NXPH1: variants seen among roughly 807,000 people sequenced by gnomAD.
NXPH1 encodes neurexophilin 1, also known as neurexophilin-1.
NXPH1 carries 5 observed loss-of-function variants against 23.7 expected under a neutral mutation model. That is an observed-to-expected ratio of 0.21 (90% CI 0.11 to 0.44). The LOEUF (loss-of-function observed/expected upper bound fraction) is 0.44, where lower values mean the gene tolerates loss of function less well. Ranked by LOEUF, NXPH1 falls within the 20% of genes least tolerant of loss-of-function variation. The pLI is 0.99. For synonymous variants in NXPH1, 144 were observed against 122.2 expected (o/e 1.18, Z -1.18); for missense variants, 324 against 321.6 (o/e 1.01, Z -0.06).
intron 2 of NXPH1, among the ~76,000 whole-genome samples, chr7:8,533,607 G>A (rs894766900): frequency 3.3e-5 from 5 of 152,224 alleles, no homozygotes; most frequent in South Asian, 4.2e-4. Context: ...TAGGCAACTC[G>A]CCTATCTCTT....
At chr7:8,600,514 A>G (rs1013612327) in intron 2 of NXPH1, among the ~76,000 whole-genome samples, 11 of 152,168 alleles carry the variant, frequency 7.2e-5, no homozygotes, top group African/African-American at 2.7e-4. Flanking sequence ...CACTGTGGTC[A>G]GATCTGGTTT....
chr7:8,452,685 C>G (rs1196101768), intron 2 of NXPH1, among the ~76,000 whole-genome samples: 1 of 152,048 alleles, frequency 6.6e-6, no homozygotes, highest in Non-Finnish European at 1.5e-5. Flanking sequence ...TGCTTCTATT[C>G]AAATGTTTGA....
At chr7:8,472,436 C>T (rs1277137748) in intron 2 of NXPH1, among the ~76,000 whole-genome samples, 1 of 152,166 alleles carries the variant, frequency 6.6e-6, no homozygotes, top group Non-Finnish European at 1.5e-5. Flanking sequence ...AAATGAGAGA[C>T]TGAGCCAACG....
intron 2 of NXPH1, among the ~76,000 whole-genome samples, chr7:8,624,902 T>TCTTA (rs1387969769): frequency 2.6e-5 from 4 of 152,108 alleles, no homozygotes; most frequent in African/African-American, 9.7e-5. Flanking sequence ...AAGTCATGAC[T>TCTTA]CTTAACTCTA....
intron 2 of NXPH1, among the ~76,000 whole-genome samples, chr7:8,606,851 G>C (rs1819503751): frequency 6.6e-6 from 1 of 152,136 alleles, no homozygotes; most frequent in Non-Finnish European, 1.5e-5. Flanking sequence ...TTGGTAGGAA[G>C]CTGGGATTAG....
intron 2 of NXPH1, among the ~76,000 whole-genome samples, chr7:8,704,750 TA>T (rs35297418): frequency 4.9e-4 from 71 of 145,856 alleles, no homozygotes; most frequent in Non-Finnish European, 5.8e-4. Context: ...ACTTAATCTG[TA>T]AAAAAAAAAA....
chr7:8,461,888 A>G (rs892426409), intron 2 of NXPH1, among the ~76,000 whole-genome samples: 8 of 151,686 alleles, frequency 5.3e-5, no homozygotes, highest in Non-Finnish European at 1.2e-4. Flanking sequence ...ACACCTACAT[A>G]TACTCAAACA....
chr7:8,667,103 T>C (rs568294669), intron 2 of NXPH1, among the ~76,000 whole-genome samples: 2 of 152,234 alleles, frequency 1.3e-5, no homozygotes, highest in South Asian at 4.1e-4. Context: ...TATTCTAACA[T>C]TTTGTTTTTA....
intron 2 of NXPH1, among the ~76,000 whole-genome samples, chr7:8,642,964 A>G (rs1820342154): frequency 1.3e-5 from 2 of 152,018 alleles, no homozygotes; most frequent in South Asian, 4.2e-4. Context: ...TCCTGGGTTC[A>G]AGCGATTCTC....
At chr7:8,575,342 G>T (rs983434441) in intron 2 of NXPH1, among the ~76,000 whole-genome samples, 1 of 152,100 alleles carries the variant, frequency 6.6e-6, no homozygotes, top group East Asian at 1.9e-4. Flanking sequence ...AAGCTGACAG[G>T]TCATTAATCC....
At chr7:8,536,675 T>C (rs7809396) in intron 2 of NXPH1, among the ~76,000 whole-genome samples, 34,615 of 151,656 alleles carry the variant, frequency 0.23, 4,057 homozygotes, top group East Asian at 0.29. Context: ...AGGTAGAAAA[T>C]GTATTGTAAG....
chr7:8,638,379 T>C (rs569782110), intron 2 of NXPH1, among the ~76,000 whole-genome samples: 1 of 152,274 alleles, frequency 6.6e-6, no homozygotes, highest in African/African-American at 2.4e-5. Context: ...CTGGGGAGAA[T>C]TAGAATCCTC....
intron 2 of NXPH1, among the ~76,000 whole-genome samples, chr7:8,599,934 A>C (rs975796381): frequency 6.6e-6 from 1 of 151,854 alleles, no homozygotes; most frequent in African/African-American, 2.4e-5. Context: ...ATGCTAAAAT[A>C]GGTTAATTTT....
chr7:8,654,651 C>T (rs4725105), intron 2 of NXPH1, among the ~76,000 whole-genome samples: 109,605 of 152,034 alleles, frequency 0.72, 40,060 homozygotes, highest in East Asian at 1. Context: ...ATGATAGTGG[C>T]CTTATCTCCT....
At chr7:8,474,653 A>G (rs1816937821) in intron 2 of NXPH1, among the ~76,000 whole-genome samples, 1 of 152,174 alleles carries the variant, frequency 6.6e-6, no homozygotes, top group African/African-American at 2.4e-5. Context: ...TATATCATAT[A>G]TCTGACAAAA....
intron 2 of NXPH1, among the ~76,000 whole-genome samples, chr7:8,726,949 C>T (rs1043566103): frequency 3.3e-5 from 5 of 149,720 alleles, no homozygotes; most frequent in African/African-American, 1.2e-4. Flanking sequence ...TACAGTCCCA[C>T]CAACAGTGTA....
chr7:8,638,553 C>CT (rs1219618668), intron 2 of NXPH1, among the ~76,000 whole-genome samples: 1 of 152,112 alleles, frequency 6.6e-6, no homozygotes, highest in East Asian at 1.9e-4. Flanking sequence ...GAAGGAATGC[C>CT]TTATTTAAGG....
intron 2 of NXPH1, among the ~76,000 whole-genome samples, chr7:8,600,932 T>G (rs534104464): frequency 6.6e-6 from 1 of 152,084 alleles, no homozygotes; most frequent in Non-Finnish European, 1.5e-5. Flanking sequence ...CCTTTTTTTT[T>G]TTGTTTTACT....
chr7:8,708,411 A>G (rs1216824260), intron 2 of NXPH1, among the ~76,000 whole-genome samples: 3 of 152,038 alleles, frequency 2.0e-5, no homozygotes, highest in Non-Finnish European at 4.4e-5. Context: ...CTCAGGCTAC[A>G]GTACAATGGC....
Sources: allele counts gnomAD v4.1 joint callset (sites outside exome capture counted in the v4.1 genomes callset), GRCh38; gene constraint gnomAD v4.1.1; transcripts MANE v1.5; gene names NCBI Gene and HGNC (gene_info 2026-07-23, HGNC 2026-07-21).